Variants in PAPPA observed in about 807,000 individuals in gnomAD.
The protein encoded by PAPPA is pappalysin 1.
In PAPPA, 60 loss-of-function variants were observed where a neutral mutation model predicts 164.0. The observed-to-expected ratio is 0.37, with a 90% confidence interval of 0.30 to 0.45. The LOEUF (loss-of-function observed/expected upper bound fraction) is 0.45. PAPPA is among the 20% of genes least tolerant of loss of function. PAPPA has a pLI of 1.00. For missense variants in PAPPA, 1,782 were observed against 2,087.3 expected, an observed-to-expected ratio of 0.85 and a Z score of 2.85; for synonymous variants, 875 against 814.1, an observed-to-expected ratio of 1.07 and a Z score of -1.27.
At chr9:116,230,281 C>T (rs905178086) in intron 6 of PAPPA, among the ~76,000 whole-genome samples, 8 of 152,186 alleles carry the variant, frequency 5.3e-5, no homozygotes, top group African/African-American at 1.7e-4. Flanking sequence ...CCAAACTCTG[C>T]AATTTATTTC....
chr9:116,335,835 A>G (rs772773229), intron 13 of PAPPA, among the ~76,000 whole-genome samples: 1 of 152,174 alleles, frequency 6.6e-6, no homozygotes, highest in Non-Finnish European at 1.5e-5. Flanking sequence ...GATGAAATCT[A>G]CTCCACAGGG....
At position 116,154,555 on chromosome 9, in the gene PAPPA, A is replaced by AG; in HGVS notation, c.389dup (p.Gln131ProfsTer12). 3 of 1,405,900 alleles carry AG rather than the reference A, an allele frequency of 2.1e-6. No individual in the cohort carries two copies. The highest frequency in any genetic ancestry group is 1.9e-6 in the Non-Finnish European group (2 of 1,077,806). The allele number at this position is 1,405,900 out of a possible 1,614,324, so 87.1% of individuals were successfully genotyped here. ...ACGCTGCAAGTGTGGCTGCGAGCGG[A>AG]GGGGGGCCAGAGGTCTCCGGCAGTG... On this transcript the variant is annotated frameshift_variant, in exon 1 of 22. Transcript: ENST00000328252. LOFTEE classifies it high-confidence loss of function. This position sits in a 1 kb window ranked among gnomAD's most constrained non-coding sequence, Gnocchi z 5.2.
intron 19 of PAPPA, among the ~76,000 whole-genome samples, chr9:116,369,948 T>A (rs1196574354): frequency 6.6e-6 from 1 of 152,096 alleles, no homozygotes; most frequent in Non-Finnish European, 1.5e-5. Flanking sequence ...CAGAGATTGA[T>A]GATTTCCAGG....
chr9:116,187,913 C>A lies in PAPPA; in HGVS notation c.1175C>A (p.Ser392Tyr). The A allele has an allele frequency of 6.2e-7, 1 of 1,614,164 alleles. No individual in the cohort carries two copies. Among genetic ancestry groups the A allele is most frequent in the South Asian group, 1.1e-5 (1 of 91,084 alleles). Residue 392 changes from serine (S) to tyrosine (Y), a missense_variant, in exon 2 of 22, where the codon TCC becomes TAC. Ser to Tyr is a moderately radical substitution (Grantham distance 144). This residue lies in a region of PAPPA where 1,324 missense variants were observed against 1,656.9 expected (regional missense o/e 0.80). Coordinates refer to ENST00000328252, the MANE Select transcript of PAPPA (RefSeq NM_002581.5). The surrounding 1 kb of genome is among the most constrained non-coding windows in gnomAD (Gnocchi z 4.2). Reference protein sequence around the residue: ...LAEAFKQYNISWELDVLEVSN... With the variant: ...LAEAFKQYNIYWELDVLEVSN... ...GAGGCCTTCAAGCAATACAACATCT[C>A]CTGGGAGCTGGACGTGCTGGAGGTG...
At chr9:116,325,145 G>A (rs908452968) in intron 10 of PAPPA, among the ~76,000 whole-genome samples, 1 of 152,154 alleles carries the variant, frequency 6.6e-6, no homozygotes, top group Non-Finnish European at 1.5e-5. Context: ...GTGTTGCTTT[G>A]TAATTAAGTA....
chr9:116,161,538 A>G (rs1283508324), intron 1 of PAPPA, among the ~76,000 whole-genome samples: 1 of 152,254 alleles, frequency 6.6e-6, no homozygotes, highest in Non-Finnish European at 1.5e-5. Flanking sequence ...CAAAGAGTTT[A>G]AATGGATATG....
chr9:116,330,955 C>A (rs1192417277), intron 10 of PAPPA, among the ~76,000 whole-genome samples: 1 of 152,136 alleles, frequency 6.6e-6, no homozygotes, highest in Non-Finnish European at 1.5e-5. Flanking sequence ...CTGCCCTACT[C>A]TTCCAGGCCC....
At position 116,271,490 on chromosome 9, in the gene PAPPA, A is replaced by C. The variant is rs1375826740; in HGVS notation, c.2953+74A>C. The C allele has an allele frequency of 9.8e-7, 1 of 1,020,650 alleles. No homozygotes were observed. The highest frequency in any genetic ancestry group is 2.4e-5 in the East Asian group (1 of 42,120). The allele number at this position is 1,020,650 out of a possible 1,614,324, so 63.2% of individuals were successfully genotyped here. A position where few individuals can be genotyped will look rare whatever the true frequency, so the allele number is the denominator to read the frequency against. On this transcript the variant is annotated intron_variant, in intron 9 of 21. Coordinates refer to ENST00000328252, the MANE Select transcript of PAPPA (RefSeq NM_002581.5). This position sits in a 1 kb window ranked among gnomAD's most constrained non-coding sequence, Gnocchi z 4.2. ...AGAATGGTTGGTCAATGATAATGCC[A>C]ACAATAGTTATGACTAAATGATGAT...
intron 10 of PAPPA, among the ~76,000 whole-genome samples, chr9:116,312,405 A>G (rs2118909923): frequency 6.6e-6 from 1 of 152,016 alleles, no homozygotes; most frequent in African/African-American, 2.4e-5. Flanking sequence ...CATGTAAAAA[A>G]TGTAAACAGC....
chr9:116,361,847 G>C (rs1163175600), intron 17 of PAPPA, among the ~76,000 whole-genome samples: 1 of 152,220 alleles, frequency 6.6e-6, no homozygotes, highest in Non-Finnish European at 1.5e-5. Flanking sequence ...TTAGCTTTCT[G>C]AAATTCGGAG....
chr9:116,252,041 A>T (rs181310348), intron 7 of PAPPA, among the ~76,000 whole-genome samples: 16 of 152,358 alleles, frequency 1.1e-4, no homozygotes, highest in East Asian at 1.9e-4. Context: ...GTGGTAAAAG[A>T]TGATTAAAAC....
intron 1 of PAPPA, among the ~76,000 whole-genome samples, chr9:116,177,912 T>C (rs1319784212): frequency 1.3e-5 from 2 of 152,112 alleles, no homozygotes; most frequent in African/African-American, 4.8e-5. Flanking sequence ...CCCACTTCCT[T>C]TCTTACGTTG....
At chr9:116,278,302 G>T (rs1845225981) in intron 9 of PAPPA, among the ~76,000 whole-genome samples, 1 of 152,208 alleles carries the variant, frequency 6.6e-6, no homozygotes, top group Non-Finnish European at 1.5e-5. Context: ...GCGTTGAGAG[G>T]TTAAGTGAAT....
At position 116,291,939 on chromosome 9, in the gene PAPPA, A is replaced by G. The variant is rs534926585; in HGVS notation, c.2954-10818A>G. ...GGGATGGAGGATTAGAATGTGAATT[A>G]ACTGCTTGTTACTTGAATATTTGAA... On this transcript the variant is annotated intron_variant, in intron 9 of 21. Coordinates refer to ENST00000328252, the MANE Select transcript of PAPPA (RefSeq NM_002581.5). Among the ~76,000 whole-genome samples the G allele has an allele frequency of 2.6e-5, 4 of 152,308 alleles. No individual in the cohort carries two copies. In the South Asian group the frequency reaches 8.3e-4, roughly 32 times the overall value.
At chr9:116,331,183 A>G in intron 10 of PAPPA, 61 bp from the exon 11 acceptor site, 1 of 1,076,172 alleles carries the variant, frequency 9.3e-7, no homozygotes, top group South Asian at 1.3e-5. Flanking sequence ...TGTAAAATTG[A>G]ATTTAGTTGA....
intron 6 of PAPPA, among the ~76,000 whole-genome samples, chr9:116,228,071 C>A (rs1316508351): frequency 2.0e-5 from 3 of 152,140 alleles, no homozygotes; most frequent in Non-Finnish European, 4.4e-5. Flanking sequence ...AAAGGAAGTG[C>A]CTTATGATTG....
chr9:116,286,902 A>T (rs1214540867), intron 9 of PAPPA: 2 of 152,128 alleles, frequency 1.3e-5, no homozygotes, highest in Non-Finnish European at 2.9e-5. Flanking sequence ...GAGGAAACGG[A>T]CTCAGGGCTA....
At chr9:116,211,308 G>A (rs1475968174) in intron 3 of PAPPA, among the ~76,000 whole-genome samples, 1 of 152,184 alleles carries the variant, frequency 6.6e-6, no homozygotes, top group African/African-American at 2.4e-5. Flanking sequence ...CAGCAGAAAG[G>A]TTTACTGGCC....
chr9:116,223,231 C>A (rs1428965016), intron 5 of PAPPA, among the ~76,000 whole-genome samples: 1 of 152,122 alleles, frequency 6.6e-6, no homozygotes, highest in Non-Finnish European at 1.5e-5. Flanking sequence ...CAGAGGTTTC[C>A]AGCAGGCCAT....
Sources: gnomAD v4.1 joint callset for allele counts (sites outside exome capture counted in the v4.1 genomes callset) on GRCh38, gnomAD v4.1.1 for gene constraint, gnomAD v4.1.1 regional missense constraint, Gnocchi (gnomAD v3.1) non-coding constraint, MANE v1.5 for transcripts, NCBI Gene and HGNC (gene_info 2026-07-23, HGNC 2026-07-21) for gene names.